The following SEC16B variants were observed in gnomAD, a reference collection of about 807,000 sequenced individuals.
SEC16B encodes the protein SEC16 homolog B, endoplasmic reticulum export factor, also known as protein transport protein Sec16B.
A neutral mutation model predicts 141.8 loss-of-function variants in SEC16B; 115 were observed. The observed-to-expected ratio is 0.81, with a 90% CI of 0.70 to 0.95. The LOEUF (loss-of-function observed/expected upper bound fraction) is 0.95, where lower values mean the gene tolerates loss of function less well. Ranked by LOEUF, SEC16B falls within the 40% of genes least tolerant of loss-of-function variation. SEC16B has a pLI of 0.00. For synonymous variants in SEC16B, 493 were observed against 492.5 expected (o/e 1.00, Z -0.01); for missense variants, 1,291 against 1,312.3 (o/e 0.98, Z 0.25).
At chr1:177,941,776 G>C in intron 16 of SEC16B, 124 bp downstream of exon 16, 1 of 1,090,812 alleles carries the variant, frequency 9.2e-7, no homozygotes, top group Non-Finnish European at 1.3e-6. Flanking sequence ...GTCAAAGATG[G>C]CCGTGGGCTC....
chr1:177,972,381 T>G (rs1227681476), upstream of SEC16B, among the ~76,000 whole-genome samples: 2 of 152,180 alleles, frequency 1.3e-5, no homozygotes, highest in African/African-American at 4.8e-5. Context: ...CAATTCTTCC[T>G]GATTTCTAAA....
At position 177,958,157 on chromosome 1, in the gene SEC16B, C is replaced by T. The variant is rs761963331; in HGVS notation, c.1340G>A (p.Arg447Lys). ...CTTCTTCCTTCCATAGTAGAGCAGCCTAGTGAATTTCTCCACGATCTGCGC... is the reference window on the plus strand; with the variant it reads ...CTTCTTCCTTCCATAGTAGAGCAGCTTAGTGAATTTCTCCACGATCTGCGC... ...TPAQIVEKFT[R>K]LLYYGRKKEA... Residue 447 changes from arginine (R) to lysine (K), a missense_variant, in exon 10 of 26, where the codon AGG becomes AAG. Transcript: ENST00000308284. 1 of 1,548,388 alleles carries T rather than the reference C, an allele frequency of 6.5e-7. No individual in the cohort carries two copies. The highest frequency in any genetic ancestry group is 8.7e-7 in the Non-Finnish European group (1 of 1,144,622).
At chr1:177,978,388 G>A (rs1654263000) in intron 1 of SEC16B, among the ~76,000 whole-genome samples, 2 of 152,126 alleles carry the variant, frequency 1.3e-5, no homozygotes, top group African/African-American at 4.8e-5. Context: ...CAAATGGTTG[G>A]TATCAACGTT....
intron 10 of SEC16B, among the ~76,000 whole-genome samples, chr1:177,955,974 T>C (rs1253184501): frequency 1.3e-5 from 2 of 152,204 alleles, no homozygotes; most frequent in Non-Finnish European, 2.9e-5. Flanking sequence ...TAGAAAACTA[T>C]GCCAACATAA....
chr1:177,960,119 A>G, intron 8 of SEC16B: 2 of 554,444 alleles, frequency 3.6e-6, no homozygotes, highest in Non-Finnish European at 3.3e-6. Context: ...AGATTTCTAA[A>G]CTGTCATGCT....
chr1:177,951,999 C>T lies in SEC16B; in HGVS notation c.1464-4G>A, dbSNP rs375249442. The T allele has an allele frequency of 8.1e-6, 13 of 1,596,204 alleles. No homozygotes were observed. The highest frequency in any genetic ancestry group is 1.6e-4 in the Middle Eastern group (1 of 6,064). On this transcript the variant is annotated splice_polypyrimidine_tract_variant and splice_region_variant and intron_variant, in intron 11 of 25. Coordinates refer to ENST00000308284, the MANE Select transcript of SEC16B (RefSeq NM_033127.4). ...GAGCGCCAGCGTGCTGGTGAAGCTGCGGAGAGAAGGATAGTCAGCGAGGAC... is the reference window on the plus strand; with the variant it reads ...GAGCGCCAGCGTGCTGGTGAAGCTGTGGAGAGAAGGATAGTCAGCGAGGAC...
At chr1:177,934,009 C>A (rs1490891668) in intron 20 of SEC16B, among the ~76,000 whole-genome samples, 5 of 149,822 alleles carry the variant, frequency 3.3e-5, no homozygotes, top group Non-Finnish European at 7.4e-5. Flanking sequence ...AAAAAAAAAA[C>A]AGAGAATGTA....
intron 6 of SEC16B, 135 bp downstream of exon 6, chr1:177,961,455 C>G: frequency 1.2e-6 from 1 of 863,674 alleles, no homozygotes. Context: ...CCAAAGTTGA[C>G]CTCTCTGCCC....
In SEC16B at chr1:177,965,122, T is replaced by C. The variant is rs769183252; in HGVS notation, c.458A>G (p.Glu153Gly). The C allele has an allele frequency of 1.2e-6, 2 of 1,613,666 alleles. No homozygotes were observed. The highest frequency in any genetic ancestry group is 1.1e-5 in the South Asian group (1 of 90,968). ...ATGATGTTCATCAAGGTACTTTTGC[T>C]CTCGGTAATCTTCGTGCCAGATATA... ...SPYIWHEDYR[E>G]QKYLDEHHYE... Residue 153 changes from glutamate to glycine, a missense_variant, in exon 4 of 26, where the codon GAG becomes GGG. Transcript: ENST00000308284.
chr1:177,932,346 T>C, intron 24 of SEC16B, 144 bp downstream of exon 24: 1 of 582,090 alleles, frequency 1.7e-6, no homozygotes, highest in South Asian at 2.9e-5. Context: ...TGTGGTACTT[T>C]GTTATGACAG....
chr1:177,976,756 T>A (rs1434607493), intron 1 of SEC16B, among the ~76,000 whole-genome samples: 1 of 152,254 alleles, frequency 6.6e-6, no homozygotes, highest in Non-Finnish European at 1.5e-5. Flanking sequence ...AGAAGTATTC[T>A]GCACAAGTCA....
chr1:177,933,718 T>C (rs1484005244), intron 20 of SEC16B, 82 bp from the exon 21 acceptor site: 4 of 1,381,818 alleles, frequency 2.9e-6, no homozygotes, highest in South Asian at 1.3e-5. Context: ...TCACCTGACC[T>C]GCTCAGAAGG....
intron 14 of SEC16B, 78 bp downstream of exon 14, chr1:177,946,342 G>A (rs1335741243): frequency 9.8e-7 from 1 of 1,025,434 alleles, no homozygotes; most frequent in Non-Finnish European, 1.5e-6. Flanking sequence ...ATGAAAAATG[G>A]ATCCATAAAA....
intron 12 of SEC16B, 93 bp from the exon 13 acceptor site, chr1:177,948,035 G>T: frequency 9.6e-7 from 1 of 1,038,116 alleles, no homozygotes; most frequent in Non-Finnish European, 1.5e-6. Context: ...GTTCAGAAGT[G>T]GTCAGAGAAT....
rs753121040 is a variant in SEC16B at position 177,932,475 on chromosome 1, A to T, written c.3012+15T>A. 18 of 1,519,904 alleles carry T rather than the reference A, an allele frequency of 1.2e-5. No individual in the cohort carries two copies. The East Asian group carries it at 2.7e-4, about 23-fold the overall frequency. 94.2% of individuals were successfully genotyped at this position (1,519,904 alleles called of 1,614,324 possible). ...CTGCTGGGGTCCGAGGCTCCAGCCC[A>T]GGGGGGCCGCTTACCTCTGGTCCAG... is the stretch of plus-strand genomic sequence containing the variant. On this transcript the variant is annotated intron_variant, in intron 24 of 25. Coordinates refer to ENST00000308284, the MANE Select transcript of SEC16B (RefSeq NM_033127.4).
At chr1:177,939,038 A>G (rs1023681101) in intron 18 of SEC16B, among the ~76,000 whole-genome samples, 3 of 152,226 alleles carry the variant, frequency 2.0e-5, no homozygotes, top group Admixed American at 1.3e-4. Flanking sequence ...CCCCACCTTT[A>G]CAGATCCTGC....
Position 177,947,815 on chromosome 1 carries a change from T to C in SEC16B, c.1663+10A>G, listed in dbSNP as rs750602629. On this transcript the variant is annotated intron_variant, in intron 13 of 25. Coordinates refer to ENST00000308284, the MANE Select transcript of SEC16B (RefSeq NM_033127.4). ...GAGGGGAGCGGAGGGGAAATGCTGG[T>C]GTCGCTTACCCAGGGTGTCCCCAAT... 4 of 1,375,010 alleles carry C rather than the reference T, an allele frequency of 2.9e-6. No homozygotes were observed. The Admixed American group carries it at 9.6e-5, about 33-fold the overall frequency. The allele number at this position is 1,375,010 out of a possible 1,614,324, so 85.2% of individuals were successfully genotyped here. A position where few individuals can be genotyped will look rare whatever the true frequency, so the allele number is the denominator to read the frequency against.
intron 8 of SEC16B, 85 bp from the exon 9 acceptor site, chr1:177,959,060 G>A: frequency 7.1e-7 from 1 of 1,416,260 alleles, no homozygotes; most frequent in Non-Finnish European, 9.7e-7. Context: ...AAGTGTGCAA[G>A]TGCTGGCTGG....
intron 1 of SEC16B, 73 bp from the exon 2 acceptor site, chr1:177,968,112 G>C (rs1653701670): frequency 2.2e-6 from 2 of 893,808 alleles, no homozygotes; most frequent in East Asian, 5.3e-5. Context: ...ATTAGGTTTT[G>C]TGAAAAGAGC....
Sources: gnomAD v4.1 joint callset for allele counts (sites outside exome capture counted in the v4.1 genomes callset) on GRCh38, gnomAD v4.1.1 for gene constraint, MANE v1.5 for transcripts, NCBI Gene and HGNC (gene_info 2026-07-23, HGNC 2026-07-21) for gene names.